The following PDE5A variants were observed in gnomAD, a reference collection of about 807,000 sequenced individuals.
PDE5A encodes phosphodiesterase 5A, also known as cGMP-specific 3',5'-cyclic phosphodiesterase.
In PDE5A, 67 loss-of-function variants were observed where a neutral mutation model predicts 110.2. The observed-to-expected ratio is 0.61, with a 90% CI of 0.50 to 0.75. The LOEUF is 0.75. Ranked by LOEUF, PDE5A falls within the 30% of genes least tolerant of loss-of-function variation. The pLI is 0.00. For missense variants in PDE5A, 862 were observed against 1,045.1 expected (o/e 0.82, Z 2.42); for synonymous variants, 328 against 351.2 (o/e 0.93, Z 0.74).
Position 119,607,083 on chromosome 4 carries a change from T to TCA in PDE5A, c.365_366dup (p.Ser123Ter). ...TTCTTTTCTGAGTCAGAGAGGAAGC[T>TCA]CACAGTTCCCTCAGAATCCTTGACA... On this transcript the variant is annotated frameshift_variant, in exon 2 of 21. Transcript: ENST00000354960. LOFTEE classifies it high-confidence loss of function. 1 of 1,614,182 alleles carries TCA rather than the reference T, an allele frequency of 6.2e-7. No homozygotes were observed. The highest frequency in any genetic ancestry group is 8.5e-7 in the Non-Finnish European group (1 of 1,180,028).
chr4:119,557,936 C>G (rs982027268), intron 7 of PDE5A, among the ~76,000 whole-genome samples: 6 of 152,016 alleles, frequency 3.9e-5, no homozygotes, highest in African/African-American at 1.4e-4. Context: ...ATGTATATTC[C>G]AAGAAAGTGA....
At chr4:119,552,842 T>C (rs1418819320) in intron 8 of PDE5A, among the ~76,000 whole-genome samples, 1 of 152,034 alleles carries the variant, frequency 6.6e-6, no homozygotes, top group Non-Finnish European at 1.5e-5. Context: ...GTTAAAAATA[T>C]CGGAATTTTT....
intron 1 of PDE5A, among the ~76,000 whole-genome samples, chr4:119,617,424 T>C (rs551109389): frequency 1.3e-5 from 2 of 152,260 alleles, no homozygotes; most frequent in East Asian, 3.9e-4. Flanking sequence ...CCTGTGGCAA[T>C]AACTTTACTT....
At chr4:119,585,811 A>T (rs112732861) in intron 3 of PDE5A, among the ~76,000 whole-genome samples, 1 of 152,300 alleles carries the variant, frequency 6.6e-6, no homozygotes, top group African/African-American at 2.4e-5. Context: ...AGACGAGGTT[A>T]TATAGAGCAC....
chr4:119,620,058 A>G (rs1408977768), intron 1 of PDE5A, among the ~76,000 whole-genome samples: 1 of 152,214 alleles, frequency 6.6e-6, no homozygotes, highest in East Asian at 1.9e-4. Context: ...GAGTTCAGGG[A>G]TGTTAAATGT....
chr4:119,565,323 G>C lies in PDE5A; in HGVS notation c.991C>G (p.Gln331Glu). The change falls in exon 5 of 21, where the codon CAG becomes GAG. Residue 331 changes from glutamine to glutamate, a missense_variant and splice_region_variant. Transcript: ENST00000354960. ...CTTTCTTTAGTAATCAGACTGACCT[G>C]ATTTCTCTTGTTCTCCAGCAGTGAA... ...ETSLLENKRNQVLLDLASLIF... is the reference protein window; with the variant it reads ...ETSLLENKRNEVLLDLASLIF... 6.2e-7 allele frequency: 1 copy of C among 1,602,372 alleles called. No homozygotes were observed. Among genetic ancestry groups the C allele is most frequent in the African/African-American group, 1.3e-5 (1 of 74,786 alleles).
chr4:119,628,462 G>T, intron 1 of PDE5A, 58 bp downstream of exon 1: 1 of 1,403,700 alleles, frequency 7.1e-7, no homozygotes, highest in Non-Finnish European at 9.7e-7. Flanking sequence ...TGAACGAAGG[G>T]CACAATTCAA....
chr4:119,579,184 AAAC>A (rs1728496222), intron 3 of PDE5A, among the ~76,000 whole-genome samples: 2 of 152,198 alleles, frequency 1.3e-5, no homozygotes, highest in South Asian at 4.2e-4. Context: ...AAAAGTCAGG[AAAC>A]AACAGGTGCT....
rs144279361 is a variant in PDE5A, at chr4:119,607,040, G to C, written c.410C>G (p.Thr137Ser). 2 of 1,614,072 alleles carry C rather than the reference G, an allele frequency of 1.2e-6. No homozygotes were observed. The highest frequency in any genetic ancestry group is 8.5e-7 in the Non-Finnish European group (1 of 1,180,040). The change falls in exon 2 of 21, where the codon ACC (threonine) becomes AGC (serine). Residue 137 changes from threonine to serine, a missense_variant. Thr to Ser is a moderately conservative substitution (Grantham distance 58). Coordinates refer to ENST00000354960, the MANE Select transcript of PDE5A (RefSeq NM_001083.4). ...DSEKKEQMPL[T>S]PPRFDHDEGD... ...TTCATCATGATCAAACCTTGGAGGG[G>C]TTAGAGGCATCTGTTCCTTCTTTTC...
intron 2 of PDE5A, among the ~76,000 whole-genome samples, chr4:119,601,459 T>G: frequency 7.3e-6 from 1 of 136,682 alleles, no homozygotes; most frequent in East Asian, 2.4e-4. Context: ...CCCCGCCACC[T>G]CCCATACCTT....
intron 3 of PDE5A, among the ~76,000 whole-genome samples, chr4:119,590,812 G>A (rs1316291333): frequency 1.3e-5 from 2 of 152,190 alleles, no homozygotes; most frequent in Admixed American, 1.3e-4. Context: ...TCAGACTTTA[G>A]TATTCAGCAG....
intron 20 of PDE5A, 92 bp from the exon 21 acceptor site, chr4:119,498,830 C>T: frequency 2.2e-6 from 3 of 1,337,700 alleles, no homozygotes; most frequent in Non-Finnish European, 3.2e-6. Context: ...ATCCCACACT[C>T]ATTTCATAAG....
At chr4:119,576,442 G>A (rs1419769254) in intron 3 of PDE5A, among the ~76,000 whole-genome samples, 1 of 152,108 alleles carries the variant, frequency 6.6e-6, no homozygotes, top group Non-Finnish European at 1.5e-5. Flanking sequence ...TGGAAGTAAA[G>A]CTCTCCTCAG....
intron 2 of PDE5A, among the ~76,000 whole-genome samples, chr4:119,599,937 GA>G (rs1247074057): frequency 6.6e-6 from 1 of 151,686 alleles, no homozygotes; most frequent in Non-Finnish European, 1.5e-5. Context: ...ATGAAGACAA[GA>G]AAAAAATGAG....
intron 14 of PDE5A, among the ~76,000 whole-genome samples, chr4:119,512,023 A>T (rs1725759968): frequency 6.6e-6 from 1 of 152,098 alleles, no homozygotes; most frequent in South Asian, 2.1e-4. Flanking sequence ...GGGTTTGTGA[A>T]TTGTAAAGCT....
intron 12 of PDE5A, among the ~76,000 whole-genome samples, chr4:119,521,329 T>G (rs1164377250): frequency 6.6e-6 from 1 of 151,368 alleles, no homozygotes; most frequent in African/African-American, 2.4e-5. Context: ...ACACAAGACA[T>G]CCCTAAGAAG....
Position 119,520,563 on chromosome 4 carries a change from G to A in PDE5A, c.1905+372C>T, listed in dbSNP as rs1236506855. On this transcript the variant is annotated intron_variant, in intron 13 of 20. Transcript: ENST00000354960. ...CAAGTTCAGGAACTAGGTGGTTTTT[G>A]AGGAATTCTACTATGGAGCAGGTTG... 7.2e-5 allele frequency among the ~76,000 whole-genome samples: 11 copies of A among 152,074 alleles called. No homozygotes were observed. In the East Asian group the frequency reaches 1.9e-3, roughly 27 times the overall value.
chr4:119,517,211 CT>C (rs1725940960), intron 14 of PDE5A: 1 of 151,670 alleles, frequency 6.6e-6, no homozygotes. Flanking sequence ...TGATAAATTA[CT>C]TTCATCTCTG....
At chr4:119,537,403 A>T (rs1291481724) in intron 11 of PDE5A, among the ~76,000 whole-genome samples, 1 of 151,906 alleles carries the variant, frequency 6.6e-6, no homozygotes, top group Non-Finnish European at 1.5e-5. Flanking sequence ...GCTTTTTCAC[A>T]ATCCTCATAT....
Sources: allele counts gnomAD v4.1 joint callset (sites outside exome capture counted in the v4.1 genomes callset), GRCh38; gene constraint gnomAD v4.1.1; transcripts MANE v1.5; gene names NCBI Gene and HGNC (gene_info 2026-07-23, HGNC 2026-07-21).